TRAF2: variants seen among roughly 807,000 people sequenced by gnomAD.
TRAF2 encodes TNF receptor-associated factor 2.
A neutral mutation model predicts 55.6 loss-of-function variants in TRAF2; 6 were observed. The observed-to-expected ratio is 0.11, with a 90% confidence interval of 0.06 to 0.21. TRAF2 has a LOEUF of 0.21. Ranked by LOEUF, TRAF2 falls within the 10% of genes least tolerant of loss-of-function variation. The pLI is 1.00. For missense variants in TRAF2, 561 were observed against 684.5 expected (o/e 0.82, Z 2.01); for synonymous variants, 329 against 276.3 (o/e 1.19, Z -1.89).
At chr9:136,911,763 C>G (rs1588436549) in intron 6 of TRAF2, among the ~76,000 whole-genome samples, 2 of 152,120 alleles carry the variant, frequency 1.3e-5, no homozygotes, top group Admixed American at 6.5e-5. Flanking sequence ...GTCTGTGCCC[C>G]CTGGCCCGTT....
Position 136,898,757 on chromosome 9 carries a change from T to C in TRAF2, c.17T>C (p.Val6Ala). Reference protein sequence around the residue: MAAASVTPPGSLELLQ... With the variant: MAAASATPPGSLELLQ... ...ACAGCTCTCATGGCTGCAGCTAGCG[T>C]GACCCCCCCTGGCTCCCTGGAGTTG... Residue 6 changes from valine to alanine, a missense_variant, in exon 2 of 11, where the codon GTG becomes GCG. Coordinates refer to ENST00000247668, the MANE Select transcript of TRAF2 (RefSeq NM_021138.4). 1 of 1,613,526 alleles carries C rather than the reference T, an allele frequency of 6.2e-7. No homozygotes were observed. The highest frequency in any genetic ancestry group is 8.5e-7 in the Non-Finnish European group (1 of 1,180,018).
intron 4 of TRAF2, 46 bp downstream of exon 4, chr9:136,900,566 G>A (rs748389350): frequency 9.8e-6 from 15 of 1,537,502 alleles, no homozygotes; most frequent in East Asian, 2.3e-5. Flanking sequence ...TCCAGCAGTC[G>A]GGAGTCGTCC....
In TRAF2 at chr9:136,920,354, G is replaced by C. The variant is rs757788493; in HGVS notation, c.799G>C (p.Glu267Gln). 1 of 1,614,138 alleles carries C rather than the reference G, an allele frequency of 6.2e-7. No individual in the cohort carries two copies. The highest frequency in any genetic ancestry group is 8.5e-7 in the Non-Finnish European group (1 of 1,180,046). Reference protein sequence around the residue: ...LLGDQSHAGSELLQRCESLEK... With the variant: ...LLGDQSHAGSQLLQRCESLEK... ...GGGAGACCAGAGCCACGCGGGGTCAGAGCTCCTGCAGAGGTGCGAGAGCCT... is the reference window on the plus strand; with the variant it reads ...GGGAGACCAGAGCCACGCGGGGTCACAGCTCCTGCAGAGGTGCGAGAGCCT... Residue 267 changes from glutamate (E) to glutamine (Q), a missense_variant, in exon 8 of 11, where the codon GAG (glutamate) becomes CAG (glutamine). Physicochemically the swap from Glu to Gln is conservative, Grantham distance 29. This residue lies in a region of TRAF2 where 426 missense variants were observed against 476.8 expected (regional missense o/e 0.89). Coordinates refer to ENST00000247668, the MANE Select transcript of TRAF2 (RefSeq NM_021138.4).
At chr9:136,918,255 A>ATATATATATTTATTTATT (rs1402432355) in intron 7 of TRAF2, among the ~76,000 whole-genome samples, 4 of 23,346 alleles carry the variant, frequency 1.7e-4, no homozygotes, top group African/African-American at 8.4e-4. Context: ...ATATATATAT[A>ATATATATATTTATTTATT]TATTTATTTA....
At chr9:136,888,267 C>A (rs572033176) in intron 1 of TRAF2, among the ~76,000 whole-genome samples, 1 of 152,108 alleles carries the variant, frequency 6.6e-6, no homozygotes, top group Admixed American at 6.5e-5. Flanking sequence ...CTCAGATGAG[C>A]TTTTATAGAA....
At chr9:136,908,292 T>C in intron 5 of TRAF2, 61 bp downstream of exon 5, 1 of 1,480,496 alleles carries the variant, frequency 6.8e-7, no homozygotes, top group Non-Finnish European at 8.9e-7. Flanking sequence ...GCTGGGGAGC[T>C]GCGTGCTGGC....
chr9:136,918,103 C>T (rs1384124980), intron 7 of TRAF2, among the ~76,000 whole-genome samples: 1 of 151,658 alleles, frequency 6.6e-6, no homozygotes, highest in Non-Finnish European at 1.5e-5. Context: ...AAATGCAGGG[C>T]GAGCTCTCGT....
upstream of TRAF2, among the ~76,000 whole-genome samples, chr9:136,885,749 CAG>C (rs1849432356): frequency 6.6e-6 from 1 of 151,750 alleles, no homozygotes. Context: ...GCCTGGGCGA[CAG>C]AGTGAGCCTC....
At chr9:136,908,834 C>T (rs1176354266) in intron 5 of TRAF2, among the ~76,000 whole-genome samples, 3 of 143,766 alleles carry the variant, frequency 2.1e-5, no homozygotes, top group Non-Finnish European at 4.5e-5. Context: ...TGCGCCACTG[C>T]ACTCCAGCCC....
rs190351631 is a variant in TRAF2 at position 136,897,461 on chromosome 9, T to C, written c.-28-1252T>C. ...TATCGTCTGAAGTGAGGGAAACCCG[T>C]GGTAGCTAAAGGGAATGCACTAGCC... is the stretch of plus-strand genomic sequence containing the variant. On this transcript the variant is annotated intron_variant, in intron 1 of 10. Transcript: ENST00000247668. 2.6e-5 allele frequency among the ~76,000 whole-genome samples: 4 copies of C among 152,022 alleles called. No individual in the cohort carries two copies. The East Asian group carries it at 7.7e-4, about 29-fold the overall frequency.
At chr9:136,908,566 C>T (rs1257085482) in intron 5 of TRAF2, among the ~76,000 whole-genome samples, 1 of 151,682 alleles carries the variant, frequency 6.6e-6, no homozygotes, top group Non-Finnish European at 1.5e-5. Flanking sequence ...ACTAAAAATG[C>T]AAAAAGTTAG....
chr9:136,904,834 T>G (rs1456794959), intron 4 of TRAF2, among the ~76,000 whole-genome samples: 1 of 145,612 alleles, frequency 6.9e-6, no homozygotes, highest in Non-Finnish European at 1.5e-5. Flanking sequence ...TGTTACACAC[T>G]AGTGTGGCCG....
chr9:136,920,740 C>T (rs17244187), intron 8 of TRAF2, among the ~76,000 whole-genome samples: 4 of 152,210 alleles, frequency 2.6e-5, no homozygotes, highest in African/African-American at 9.7e-5. Flanking sequence ...GAGGCCAGGC[C>T]GTGGGCAGGA....
chr9:136,906,342 C>T (rs1849951526), intron 4 of TRAF2, among the ~76,000 whole-genome samples: 1 of 152,066 alleles, frequency 6.6e-6, no homozygotes, highest in Non-Finnish European at 1.5e-5. Flanking sequence ...TGAATGGACT[C>T]ATAGTTCCAT....
At chr9:136,923,390 C>T (rs976298195) in intron 9 of TRAF2, among the ~76,000 whole-genome samples, 4 of 152,098 alleles carry the variant, frequency 2.6e-5, no homozygotes, top group African/African-American at 9.7e-5. Context: ...ACGTGTGGAT[C>T]GCCTGAGGGC....
At position 136,922,922 on chromosome 9, in the gene TRAF2, C is replaced by T. The variant is rs576829951; in HGVS notation, c.1139-930C>T. ...CAGGGAGGATGGGCTTGGGGGCACG[C>T]GGTGGAGGACGAGGATGGGGAGGAT... On this transcript the variant is annotated intron_variant, in intron 9 of 10. Transcript: ENST00000247668. 8.8e-3 allele frequency among the ~76,000 whole-genome samples: 724 copies of T among 81,828 alleles called. 42 individuals are homozygous for T. The highest frequency in any genetic ancestry group is 0.034 in the African/African-American group (686 of 20,224). 53.7% of individuals were successfully genotyped at this position (81,828 alleles called of 152,430 possible).
chr9:136,900,580 C>G, intron 4 of TRAF2, 60 bp downstream of exon 4: 5 of 1,388,126 alleles, frequency 3.6e-6, no homozygotes, highest in Non-Finnish European at 5.1e-6. Context: ...GTCGTCCACG[C>G]TCCCCAAGCA....
At chr9:136,903,817 G>A (rs1368432344) in intron 4 of TRAF2, among the ~76,000 whole-genome samples, 3 of 152,016 alleles carry the variant, frequency 2.0e-5, no homozygotes, top group Non-Finnish European at 4.4e-5. Context: ...TGAGTAGCTG[G>A]GACTACAGGC....
intron 9 of TRAF2, 89 bp downstream of exon 9, chr9:136,921,304 C>T: frequency 5.2e-6 from 8 of 1,529,564 alleles, no homozygotes; most frequent in Non-Finnish European, 7.1e-6. Context: ...GGATGGCTCC[C>T]AAGGGTGGGG....
Sources: allele counts gnomAD v4.1 joint callset (sites outside exome capture counted in the v4.1 genomes callset), GRCh38; gene constraint gnomAD v4.1.1; regional missense constraint gnomAD v4.1.1; transcripts MANE v1.5; gene names NCBI Gene and HGNC (gene_info 2026-07-23, HGNC 2026-07-21).